EXOC4: variants seen among roughly 807,000 people sequenced by gnomAD.
EXOC4 encodes SEC8-like 1.
In EXOC4, 71 loss-of-function variants were observed where a neutral mutation model predicts 107.2. The observed-to-expected ratio is 0.66, with a 90% confidence interval of 0.55 to 0.81. The LOEUF (loss-of-function observed/expected upper bound fraction) is 0.81, where lower values mean the gene tolerates loss of function less well. Among genes scored for constraint, EXOC4 ranks in the 30% least tolerant of loss-of-function variants. The probability of loss-of-function intolerance (pLI) is 0.00; values close to 1 mark genes in which losing one functional copy is unlikely to be tolerated. For missense variants in EXOC4, 1,108 were observed against 1,189.6 expected (o/e 0.93, Z 1.01); for synonymous variants, 456 against 441.2 (o/e 1.03, Z -0.42).
At chr7:134,075,335 G>C in the EXOC4 span, among the ~76,000 whole-genome samples, 1 of 152,126 alleles carries the variant, frequency 6.6e-6, no homozygotes, top group African/African-American at 2.4e-5. Context: ...TTGCATTTCT[G>C]AGCCTGTATT....
At chr7:133,674,159 A>G (rs1226020918) in intron 10 of EXOC4, among the ~76,000 whole-genome samples, 1 of 152,212 alleles carries the variant, frequency 6.6e-6, no homozygotes. Flanking sequence ...AGAAAATCCC[A>G]AAGGATTGAT....
chr7:133,808,359 A>G (rs1028405911), intron 10 of EXOC4, among the ~76,000 whole-genome samples: 2 of 152,052 alleles, frequency 1.3e-5, no homozygotes, highest in African/African-American at 4.8e-5. Context: ...CCACTGATTT[A>G]TGGTCTTAAA....
At chr7:133,925,961 C>T (rs1800040888) in intron 13 of EXOC4, among the ~76,000 whole-genome samples, 1 of 151,230 alleles carries the variant, frequency 6.6e-6, no homozygotes, top group East Asian at 1.9e-4. Flanking sequence ...ATTGCTTGAA[C>T]CCAGGAGGCG....
intron 9 of EXOC4, among the ~76,000 whole-genome samples, chr7:133,575,173 C>A (rs1801102597): frequency 6.6e-6 from 1 of 152,070 alleles, no homozygotes. Flanking sequence ...TTGTGGCTTC[C>A]TAATTTCATT....
At chr7:134,061,757 G>A (rs1288858427) in intron 17 of EXOC4, among the ~76,000 whole-genome samples, 1 of 152,090 alleles carries the variant, frequency 6.6e-6, no homozygotes, top group Non-Finnish European at 1.5e-5. Context: ...ATGACATAGG[G>A]CATCATTTCC....
At chr7:134,005,198 T>G in intron 16 of EXOC4, 108 bp downstream of exon 16, 2 of 1,195,884 alleles carry the variant, frequency 1.7e-6, no homozygotes, top group Non-Finnish European at 2.3e-6. Context: ...AGTTGTTTGC[T>G]TGCTTGCTTG....
chr7:133,437,921 A>G (rs934472310), intron 7 of EXOC4, among the ~76,000 whole-genome samples: 1 of 151,304 alleles, frequency 6.6e-6, no homozygotes, highest in Non-Finnish European at 1.5e-5. Flanking sequence ...TCCAAACCCC[A>G]CTCCATTTTT....
At chr7:133,623,726 T>C (rs1202544762) in intron 9 of EXOC4, among the ~76,000 whole-genome samples, 2 of 152,154 alleles carry the variant, frequency 1.3e-5, no homozygotes, top group African/African-American at 4.8e-5. Context: ...TTTGCTGTCA[T>C]AGTAAATCAT....
At chr7:134,070,757 C>T (rs1276658864), downstream of EXOC4, among the ~76,000 whole-genome samples, 1 of 149,476 alleles carries the variant, frequency 6.7e-6, no homozygotes, top group African/African-American at 2.5e-5. Context: ...TGTATGTGAC[C>T]ACTTATGTGT....
chr7:134,022,832 A>G (rs1204404274), intron 17 of EXOC4, among the ~76,000 whole-genome samples: 1 of 152,226 alleles, frequency 6.6e-6, no homozygotes, highest in Non-Finnish European at 1.5e-5. Context: ...TCCTCAAAAT[A>G]GGAATTGTTC....
intron 14 of EXOC4, among the ~76,000 whole-genome samples, chr7:133,988,116 C>A (rs1379845573): frequency 6.6e-6 from 1 of 152,116 alleles, no homozygotes. Flanking sequence ...TAAAGAGAGA[C>A]CCCAAGTCAT....
At chr7:133,262,023 C>G (rs1257875361) in intron 1 of EXOC4, among the ~76,000 whole-genome samples, 2 of 152,180 alleles carry the variant, frequency 1.3e-5, no homozygotes, top group Non-Finnish European at 2.9e-5. Flanking sequence ...TTCTAACCAC[C>G]TTAATATGCA....
intron 9 of EXOC4, among the ~76,000 whole-genome samples, chr7:133,528,876 A>C (rs1407127208): frequency 6.6e-6 from 1 of 152,104 alleles, no homozygotes; most frequent in Non-Finnish European, 1.5e-5. Context: ...TCCCAACATC[A>C]ACAGATGTAT....
At chr7:133,320,934 A>C (rs1358589604) in intron 5 of EXOC4, among the ~76,000 whole-genome samples, 3 of 152,212 alleles carry the variant, frequency 2.0e-5, no homozygotes, top group African/African-American at 7.2e-5. Context: ...CTTAATAATA[A>C]ACTGGAAGTC....
intron 7 of EXOC4, among the ~76,000 whole-genome samples, chr7:133,457,425 A>G (rs770606988): frequency 6.6e-6 from 1 of 152,204 alleles, no homozygotes; most frequent in African/African-American, 2.4e-5. Flanking sequence ...TAGCCTTACT[A>G]TAGGCTGTTG....
At chr7:133,286,919 G>C (rs1794292305) in intron 2 of EXOC4, among the ~76,000 whole-genome samples, 1 of 152,124 alleles carries the variant, frequency 6.6e-6, no homozygotes, top group South Asian at 2.1e-4. Flanking sequence ...CCAATGCTGT[G>C]GGGGAGGAAA....
intron 7 of EXOC4, among the ~76,000 whole-genome samples, chr7:133,439,037 T>G (rs1483868138): frequency 6.6e-6 from 1 of 152,166 alleles, no homozygotes; most frequent in Non-Finnish European, 1.5e-5. Flanking sequence ...TGTATGTATA[T>G]GTATGTGTGT....
chr7:133,886,281 T>A (rs1799084738), intron 11 of EXOC4, among the ~76,000 whole-genome samples: 1 of 152,194 alleles, frequency 6.6e-6, no homozygotes, highest in Non-Finnish European at 1.5e-5. Context: ...GATTCAGTAT[T>A]TTCCAAATTA....
chr7:134,013,648 A>G (rs918869540), intron 17 of EXOC4, among the ~76,000 whole-genome samples: 4 of 152,238 alleles, frequency 2.6e-5, no homozygotes, highest in Admixed American at 6.5e-5. Context: ...ACTCTGTACT[A>G]TCTTCTCAAT....
Sources: allele counts gnomAD v4.1 joint callset (sites outside exome capture counted in the v4.1 genomes callset), GRCh38; gene constraint gnomAD v4.1.1; transcripts MANE v1.5; gene names NCBI Gene and HGNC (gene_info 2026-07-23, HGNC 2026-07-21).